The following RBFOX1 variants were observed in gnomAD, a reference collection of about 807,000 sequenced individuals.
RBFOX1 encodes the protein RNA binding protein fox-1 homolog 1.
RBFOX1 carries 8 observed loss-of-function variants against 57.7 expected under a neutral mutation model. That is an observed-to-expected ratio of 0.14 (90% confidence interval 0.08 to 0.25). The LOEUF is 0.25. Ranked by LOEUF, RBFOX1 falls within the 10% of genes least tolerant of loss-of-function variation. The pLI is 1.00. For synonymous variants in RBFOX1, 326 were observed against 222.4 expected (o/e 1.47, Z -4.15); for missense variants, 611 against 548.5 (o/e 1.11, Z -1.14).
rs189831537 is a variant in RBFOX1, at chr16:7,541,841, A to T, written c.270+23452A>T. On this transcript the variant is annotated intron_variant, in intron 5 of 15. Coordinates refer to ENST00000550418, the MANE Select transcript of RBFOX1 (RefSeq NM_018723.4). ...GGTGTCATGAGGATGAAGTGGGATG[A>T]TGTGAAGGACTTGGGGTGCTTAAGA... Among the ~76,000 whole-genome samples the T allele has an allele frequency of 8.8e-4, 134 of 152,292 alleles. 1 individual carries two copies. Among genetic ancestry groups the T allele is most frequent in the African/African-American group, 3.1e-3 (128 of 41,572 alleles).
At chr16:6,322,058 C>G (rs12934591) in intron 2 of RBFOX1, among the ~76,000 whole-genome samples, 23,787 of 152,180 alleles carry the variant, frequency 0.16, 2,283 homozygotes, top group South Asian at 0.27. Context: ...GCCTTAGTTA[C>G]TAACATTGTC....
chr16:5,714,103 C>G (rs558940521), intron 3 of RBFOX1, among the ~76,000 whole-genome samples: 1 of 152,326 alleles, frequency 6.6e-6, no homozygotes, highest in East Asian at 1.9e-4. Context: ...CACAGAAGAG[C>G]TAGGGACTAT....
intron 1 of RBFOX1, among the ~76,000 whole-genome samples, chr16:5,340,759 G>C (rs1302270798): frequency 6.6e-6 from 1 of 152,182 alleles, no homozygotes; most frequent in Non-Finnish European, 1.5e-5. Flanking sequence ...TGTCCAAAAT[G>C]CTGGAGACAC....
chr16:5,257,967 C>T (rs1204162640), intron 1 of RBFOX1, among the ~76,000 whole-genome samples: 1 of 152,158 alleles, frequency 6.6e-6, no homozygotes, highest in East Asian at 1.9e-4. Context: ...CAGCCTTGAC[C>T]TTCTGGGCTC....
chr16:5,305,705 A>C (rs192694699), intron 1 of RBFOX1, among the ~76,000 whole-genome samples: 8 of 152,058 alleles, frequency 5.3e-5, no homozygotes, highest in Non-Finnish European at 1.0e-4. Flanking sequence ...GCAGATGGAC[A>C]CTTCTGGGTG....
chr16:6,341,084 A>C (rs1178702009), intron 2 of RBFOX1, among the ~76,000 whole-genome samples: 1 of 152,212 alleles, frequency 6.6e-6, no homozygotes, highest in East Asian at 1.9e-4. Context: ...ATGATCACAA[A>C]TCATTGATTT....
At chr16:5,951,302 C>T (rs2059514924) in intron 4 of RBFOX1, among the ~76,000 whole-genome samples, 1 of 151,878 alleles carries the variant, frequency 6.6e-6, no homozygotes, top group East Asian at 1.9e-4. Flanking sequence ...ACAAAAATTA[C>T]CCGGGTGTGG....
intron 3 of RBFOX1, among the ~76,000 whole-genome samples, chr16:6,814,065 A>T (rs1186092153): frequency 2.6e-5 from 4 of 152,162 alleles, no homozygotes; most frequent in African/African-American, 9.7e-5. Flanking sequence ...TGGAGTGAAA[A>T]GCAGATGTAT....
At chr16:6,574,157 G>T (rs910778713) in intron 2 of RBFOX1, among the ~76,000 whole-genome samples, 1 of 152,140 alleles carries the variant, frequency 6.6e-6, no homozygotes, top group South Asian at 2.1e-4. Context: ...CTGGCCTTGC[G>T]ATATATTATT....
At chr16:7,329,516 A>T (rs968047422) in intron 4 of RBFOX1, among the ~76,000 whole-genome samples, 7 of 152,208 alleles carry the variant, frequency 4.6e-5, no homozygotes, top group African/African-American at 7.2e-5. Flanking sequence ...CATTTGGGAG[A>T]GCAGAACCTA....
chr16:5,645,491 C>A (rs533718259), intron 3 of RBFOX1, among the ~76,000 whole-genome samples: 1 of 152,134 alleles, frequency 6.6e-6, no homozygotes, highest in Non-Finnish European at 1.5e-5. Context: ...TATGAATATA[C>A]TAAATGCTTA....
intron 3 of RBFOX1, among the ~76,000 whole-genome samples, chr16:6,864,766 C>CT (rs576027938): frequency 1.2e-3 from 180 of 152,012 alleles, no homozygotes; most frequent in African/African-American, 4.3e-3. Flanking sequence ...TTTTAAGTGT[C>CT]TTTTTCCTCT....
chr16:6,491,836 C>G (rs1169168679), intron 2 of RBFOX1, among the ~76,000 whole-genome samples: 3 of 152,092 alleles, frequency 2.0e-5, no homozygotes, highest in African/African-American at 7.2e-5. Flanking sequence ...TGGCCCAAAG[C>G]TATATCAATC....
chr16:7,179,222 A>ATT (rs5815380), intron 4 of RBFOX1, among the ~76,000 whole-genome samples: 1,500 of 145,166 alleles, frequency 0.01, 23 homozygotes, highest in African/African-American at 0.035. Context: ...CTTAACCGGG[A>ATT]TTTTTTTTTT....
At chr16:6,446,608 C>T (rs1040429186) in intron 2 of RBFOX1, among the ~76,000 whole-genome samples, 3 of 152,142 alleles carry the variant, frequency 2.0e-5, no homozygotes, top group African/African-American at 4.8e-5. Context: ...ATGACTTAAA[C>T]AATTACTTAC....
chr16:7,688,261 G>GTGTGTGT (rs2076539593), intron 14 of RBFOX1, among the ~76,000 whole-genome samples: 1 of 124,882 alleles, frequency 8.0e-6, no homozygotes, highest in African/African-American at 3.2e-5. Context: ...GTGTGTGTGT[G>GTGTGTGT]AGAGAGAGAG....
chr16:6,706,102 A>G (rs1316415459), intron 3 of RBFOX1, among the ~76,000 whole-genome samples: 1 of 152,202 alleles, frequency 6.6e-6, no homozygotes, highest in Admixed American at 6.5e-5. Context: ...CCGGATGCTT[A>G]GCCCCAGTGG....
intron 2 of RBFOX1, among the ~76,000 whole-genome samples, chr16:6,394,660 A>C (rs776275917): frequency 2.0e-5 from 3 of 149,792 alleles, no homozygotes; most frequent in Non-Finnish European, 4.5e-5. Context: ...TTAGATATAT[A>C]TATGATATAT....
At chr16:5,998,465 A>G (rs1421744852) in intron 4 of RBFOX1, among the ~76,000 whole-genome samples, 1 of 152,264 alleles carries the variant, frequency 6.6e-6, no homozygotes, top group Non-Finnish European at 1.5e-5. Context: ...TTGAGTGTTT[A>G]GAACTAGAAG....
Sources: gnomAD v4.1 joint callset for allele counts (sites outside exome capture counted in the v4.1 genomes callset) on GRCh38, gnomAD v4.1.1 for gene constraint, MANE v1.5 for transcripts, NCBI Gene and HGNC (gene_info 2026-07-23, HGNC 2026-07-21) for gene names.